Variants in CFAP44 observed in about 807,000 individuals in gnomAD.
CFAP44 encodes cilia- and flagella-associated protein 44.
A neutral mutation model predicts 216.2 loss-of-function variants in CFAP44; 134 were observed. That is an observed-to-expected ratio of 0.62 (90% confidence interval 0.54 to 0.72). The LOEUF (loss-of-function observed/expected upper bound fraction) is 0.72, where lower values mean the gene tolerates loss of function less well. Ranked by LOEUF, CFAP44 falls within the 30% of genes least tolerant of loss-of-function variation. CFAP44 has a pLI of 0.00. For missense variants in CFAP44, 2,035 were observed against 2,182.1 expected, an observed-to-expected ratio of 0.93 and a Z score of 1.34; for synonymous variants, 700 against 727.6, an observed-to-expected ratio of 0.96 and a Z score of 0.61.
chr3:113,330,228 C>T lies in CFAP44; in HGVS notation c.4056G>A (p.Leu1352=), dbSNP rs1950228760. Residue 1352 remains leucine, a synonymous_variant, in exon 26 of 35, where the codon CTG becomes CTA. Coordinates refer to ENST00000393845, the MANE Select transcript of CFAP44 (RefSeq NM_001164496.2). ...TAATCTCGTCTCTCTTCATAATTTCCAGCTCCACATCCGTTGGCTCTGCTT... is the reference window on the plus strand; with the variant it reads ...TAATCTCGTCTCTCTTCATAATTTCTAGCTCCACATCCGTTGGCTCTGCTT... The part of the protein sequence containing the change: ...FEKAEPTDVE[L]EIMKRDEIKH... The T allele has an allele frequency of 1.3e-6, 2 of 1,537,664 alleles. No homozygotes were observed. The highest frequency in any genetic ancestry group is 2.4e-5 in the East Asian group (1 of 40,916).
intron 1 of CFAP44, among the ~76,000 whole-genome samples, chr3:113,436,006 T>G (rs1935230874): frequency 6.6e-6 from 1 of 151,722 alleles, no homozygotes; most frequent in Non-Finnish European, 1.5e-5. Context: ...ATATACCTTT[T>G]GGGGTTTATG....
At chr3:113,383,015 C>T (rs922708149) in intron 15 of CFAP44, among the ~76,000 whole-genome samples, 1 of 152,334 alleles carries the variant, frequency 6.6e-6, no homozygotes, top group Admixed American at 6.5e-5. Context: ...TATAGAGGAG[C>T]TAATCTTCAT....
chr3:113,440,870 G>A (rs1009984938), intron 1 of CFAP44, among the ~76,000 whole-genome samples: 1 of 152,034 alleles, frequency 6.6e-6, no homozygotes, highest in African/African-American at 2.4e-5. Context: ...TCATCAGTAC[G>A]CACCCTTAGC....
At chr3:113,296,623 GC>G (rs1949883761) in intron 33 of CFAP44, 101 bp downstream of exon 33, 1 of 1,371,526 alleles carries the variant, frequency 7.3e-7, no homozygotes, top group Non-Finnish European at 9.8e-7. Context: ...TCGCGGACCA[GC>G]TCCAGCTACA....
intron 28 of CFAP44, among the ~76,000 whole-genome samples, chr3:113,312,194 C>T (rs74519978): frequency 1.0e-4 from 15 of 150,178 alleles, no homozygotes; most frequent in African/African-American, 3.7e-4. Flanking sequence ...GCCTCAGCCT[C>T]CCAAGTAGCT....
At chr3:113,390,536 G>A (rs1044286000) in intron 15 of CFAP44, among the ~76,000 whole-genome samples, 2 of 151,986 alleles carry the variant, frequency 1.3e-5, no homozygotes, top group Admixed American at 6.6e-5. Context: ...ATCCAAACTA[G>A]AAAGAAAGAA....
At chr3:113,435,925 C>T (rs1935228360) in intron 1 of CFAP44, among the ~76,000 whole-genome samples, 1 of 150,622 alleles carries the variant, frequency 6.6e-6, no homozygotes, top group Admixed American at 6.6e-5. Flanking sequence ...ATCTTCCTTC[C>T]TCTCTCTCTC....
In CFAP44 at chr3:113,427,146, A is replaced by G. The variant is rs1315796161; in HGVS notation, c.253+41T>C. ...TTCCATTTGTCTGGGCTTTGTCTCTAAAACAGTGACAATTACTGACAGAAA... is the reference window on the plus strand; with the variant it reads ...TTCCATTTGTCTGGGCTTTGTCTCTGAAACAGTGACAATTACTGACAGAAA... On this transcript the variant is annotated intron_variant, in intron 3 of 34. Coordinates refer to ENST00000393845, the MANE Select transcript of CFAP44 (RefSeq NM_001164496.2). 16 of 1,588,284 alleles carry G rather than the reference A, an allele frequency of 1.0e-5. No homozygotes were observed. The East Asian group carries it at 2.0e-4, about 20-fold the overall frequency.
intron 19 of CFAP44, among the ~76,000 whole-genome samples, chr3:113,364,150 T>C (rs1950567195): frequency 1.3e-5 from 2 of 152,122 alleles, no homozygotes; most frequent in South Asian, 4.1e-4. Context: ...CACTTAAAAG[T>C]ACTCTGTTTA....
Position 113,373,469 on chromosome 3 carries a change from T to C in CFAP44, c.2386A>G (p.Ile796Val), listed in dbSNP as rs878974072. ...GTATCCGCAAGATAACGGACATCAA[T>C]AGGTTCATCTTTTTGTTCTTTGAAA... is the stretch of plus-strand genomic sequence containing the variant. Reference protein sequence around the residue: ...SDFKEQKDEPIDVRYLADTED... With the variant: ...SDFKEQKDEPVDVRYLADTED... Residue 796 changes from isoleucine to valine, a missense_variant, in exon 18 of 35, where the codon ATT (isoleucine) becomes GTT (valine). Transcript: ENST00000393845. 5 of 1,609,996 alleles carry C rather than the reference T, an allele frequency of 3.1e-6. No homozygotes were observed. Among genetic ancestry groups the C allele is most frequent in the Admixed American group, 3.4e-5 (2 of 59,510 alleles).
chr3:113,342,068 C>A, intron 23 of CFAP44, 150 bp from the exon 24 acceptor site: 1 of 1,010,150 alleles, frequency 9.9e-7, no homozygotes. Flanking sequence ...TGTGGTGGCT[C>A]TTGCCTGTAA....
chr3:113,331,288 C>T (rs1950239468), intron 25 of CFAP44, among the ~76,000 whole-genome samples: 1 of 152,000 alleles, frequency 6.6e-6, no homozygotes, highest in African/African-American at 2.4e-5. Flanking sequence ...GGCACAGGGG[C>T]TATACAATCT....
chr3:113,433,397 A>G lies in CFAP44; in HGVS notation c.100+168T>C, dbSNP rs964692582. Reference sequence around the variant, plus strand: ...TAAGCCAAGATCGTACCATTGCACTATAGCCTGGGCAACAAGAGCAAAACT... The same window carrying G: ...TAAGCCAAGATCGTACCATTGCACTGTAGCCTGGGCAACAAGAGCAAAACT... On this transcript the variant is annotated intron_variant, in intron 2 of 34. Coordinates refer to ENST00000393845, the MANE Select transcript of CFAP44 (RefSeq NM_001164496.2). 1.9e-4 allele frequency among the ~76,000 whole-genome samples: 26 copies of G among 139,828 alleles called. No individual in the cohort carries two copies. In the Admixed American group the frequency reaches 1.9e-3, roughly 10 times the overall value. 91.7% of individuals were successfully genotyped at this position (139,828 alleles called of 152,430 possible). A position where few individuals can be genotyped will look rare whatever the true frequency, so the allele number is the denominator to read the frequency against.
rs571258974 is a variant in CFAP44, at chr3:113,399,653, T to C, written c.1569+253A>G. Among the ~76,000 whole-genome samples, 11 of 152,292 alleles carry C rather than the reference T, an allele frequency of 7.2e-5. No individual in the cohort carries two copies. The South Asian group carries it at 2.3e-3, about 32-fold the overall frequency. ...TCGAGGCTAGATACACAAAGTTCTG[T>C]TGGGAAATTGCTTTGCAACATGAAA... On this transcript the variant is annotated intron_variant, in intron 13 of 34. Transcript: ENST00000393845.
chr3:113,291,895 CT>C, intron 34 of CFAP44, 147 bp from the exon 35 acceptor site: 1 of 869,356 alleles, frequency 1.2e-6, no homozygotes, highest in South Asian at 2.1e-5. Flanking sequence ...TTCAATTCCT[CT>C]GCTAAAATCC....
At chr3:113,438,512 G>A (rs1456228847) in intron 1 of CFAP44, among the ~76,000 whole-genome samples, 2 of 152,168 alleles carry the variant, frequency 1.3e-5, no homozygotes, top group African/African-American at 4.8e-5. Flanking sequence ...ACACAGGAAA[G>A]CTCTAAGAAT....
At chr3:113,330,923 C>T (rs1441443683) in intron 25 of CFAP44, among the ~76,000 whole-genome samples, 8 of 152,248 alleles carry the variant, frequency 5.3e-5, no homozygotes, top group African/African-American at 1.9e-4. Context: ...TTGTTCCCTC[C>T]AGCTGGCTCG....
intron 24 of CFAP44, among the ~76,000 whole-genome samples, chr3:113,336,564 A>G (rs1052823700): frequency 2.0e-5 from 3 of 152,136 alleles, no homozygotes; most frequent in Non-Finnish European, 2.9e-5. Context: ...TTAAATTTGT[A>G]TTTAAAACTA....
chr3:113,300,868 T>C (rs1279489561), intron 32 of CFAP44, among the ~76,000 whole-genome samples: 2 of 152,144 alleles, frequency 1.3e-5, no homozygotes, highest in Non-Finnish European at 2.9e-5. Flanking sequence ...ATGATGTATG[T>C]AGCTCAAAGG....
Sources: gnomAD v4.1 joint callset for allele counts (sites outside exome capture counted in the v4.1 genomes callset) on GRCh38, gnomAD v4.1.1 for gene constraint, MANE v1.5 for transcripts, NCBI Gene and HGNC (gene_info 2026-07-23, HGNC 2026-07-21) for gene names.